ARAP1: variants seen among roughly 807,000 people sequenced by gnomAD.
The protein encoded by ARAP1 is ArfGAP with RhoGAP domain, ankyrin repeat and PH domain 1.
Under a neutral mutation model 172.2 loss-of-function variants are expected in ARAP1, and 76 were observed. The ratio of observed to expected loss-of-function variants is 0.44; its 90% CI spans 0.37 to 0.53. The LOEUF is 0.53. ARAP1 is among the 20% of genes least tolerant of loss of function. The pLI, the probability that ARAP1 is intolerant of heterozygous loss-of-function variation, is 0.00. For synonymous variants in ARAP1, 804 were observed against 803.3 expected (o/e 1.00, Z -0.01); for missense variants, 1,686 against 1,977.5 (o/e 0.85, Z 2.80).
rs1855672355 is a variant in ARAP1 at position 72,686,119 on chromosome 11, C to CACT, written c.4255_4257dup (p.Ser1419dup). 6.2e-7 allele frequency: 1 copy of CACT among 1,613,932 alleles called. No individual in the cohort carries two copies. The highest frequency in any genetic ancestry group is 8.5e-7 in the Non-Finnish European group (1 of 1,180,050). ...CTACCTCGAAGGGGGATCAGTGACA[C>CACT]ACTACCCAGCCGGACCTCAGGCACT... On this transcript the variant is annotated inframe_insertion, in exon 34 of 35. Transcript: ENST00000393609.
intron 1 of ARAP1, among the ~76,000 whole-genome samples, chr11:72,749,890 C>T (rs546708550): frequency 1.3e-5 from 2 of 151,864 alleles, no homozygotes; most frequent in East Asian, 1.9e-4. Context: ...AAAAAAGTTC[C>T]CTCTCCCTCT....
intron 3 of ARAP1, among the ~76,000 whole-genome samples, chr11:72,724,900 C>T (rs1171117535): frequency 6.6e-6 from 1 of 152,150 alleles, no homozygotes; most frequent in Non-Finnish European, 1.5e-5. Flanking sequence ...CCTCATGTTG[C>T]CTAAATGGCT....
Position 72,699,587 on chromosome 11 carries a change from G to GC in ARAP1, c.2303-36dup. The stretch of plus-strand genomic sequence containing the variant: ...ATTTGGGCAGGGGAGCCATCAGGGA[G>GC]CCCCCCACCACCTGAAAACCACCTC... On this transcript the variant is annotated intron_variant, in intron 16 of 34. Coordinates refer to ENST00000393609, the MANE Select transcript of ARAP1 (RefSeq NM_001040118.3). This position sits in a 1 kb window ranked among gnomAD's most constrained non-coding sequence, Gnocchi z 4.2. 6.9e-6 allele frequency: 11 copies of GC among 1,596,846 alleles called. No homozygotes were observed. Among genetic ancestry groups the GC allele is most frequent in the Non-Finnish European group, 9.4e-6 (11 of 1,172,158 alleles).
chr11:72,711,492 T>C lies in ARAP1; in HGVS notation c.1030A>G (p.Ile344Val). The C allele has an allele frequency of 1.2e-6, 2 of 1,612,252 alleles. No homozygotes were observed. Among genetic ancestry groups the C allele is most frequent in the African/African-American group, 1.3e-5 (1 of 74,918 alleles). ...AGTCTCACCCATCGTTTCTGATAGA[T>C]GTAAGATCTGGAGAGGGAGAGGGAC... Reference protein sequence around the residue: ...LDKNPPQGSYIYQKRWVRLDT... With the variant: ...LDKNPPQGSYVYQKRWVRLDT... Residue 344 changes from isoleucine (I) to valine (V), a missense_variant, in exon 8 of 35, where the codon ATC becomes GTC. Physicochemically the swap from Ile to Val is conservative, Grantham distance 29. Transcript: ENST00000393609.
At chr11:72,700,450 G>A (rs1199008022) in intron 16 of ARAP1, 1 of 152,260 alleles carries the variant, frequency 6.6e-6, no homozygotes, top group Non-Finnish European at 1.5e-5. Context: ...GTCTGTGAGG[G>A]CCTGACATGT....
intron 21 of ARAP1, 31 bp downstream of exon 21, chr11:72,697,292 G>T: frequency 6.4e-7 from 1 of 1,574,086 alleles, no homozygotes; most frequent in Non-Finnish European, 8.6e-7. Context: ...TCCGGGAGGG[G>T]CGGGGCTGGC....
In ARAP1 at chr11:72,710,484, C is replaced by T; in HGVS notation, c.1317G>A (p.Glu439=). 6.2e-7 allele frequency: 1 copy of T among 1,614,108 alleles called. No individual in the cohort carries two copies. Among genetic ancestry groups the T allele is most frequent in the Non-Finnish European group, 8.5e-7 (1 of 1,180,004 alleles). Residue 439 remains glutamate (E), a synonymous_variant, in exon 10 of 35, where the codon GAG becomes GAA. Transcript: ENST00000393609. This position sits in a 1 kb window ranked among gnomAD's most constrained non-coding sequence, Gnocchi z 4.3. ...SAYLLGVPGS[E]QPDRAGSLEL... Reference sequence around the variant, plus strand: ...CCAGGCTGCCAGCGCGGTCAGGCTGCTCTGAGCCTGGAACTCCCAGCAGAT... The same window carrying T: ...CCAGGCTGCCAGCGCGGTCAGGCTGTTCTGAGCCTGGAACTCCCAGCAGAT...
chr11:72,688,509 A>G lies in ARAP1; in HGVS notation c.4016T>C (p.Ile1339Thr), dbSNP rs140676330. The G allele has an allele frequency of 6.4e-5, 104 of 1,612,522 alleles. No homozygotes were observed. The highest frequency in any genetic ancestry group is 1.8e-4 in the East Asian group (8 of 44,886). ...TSHRPEKEWP[I>T]KSLKVYLGVK... ...TCCCAGGTAGACTTTGAGACTCTTA[A>G]TAGGCCACTCCTTCTCAGGCCGGTG... Residue 1339 changes from isoleucine (I) to threonine (T), a missense_variant, in exon 31 of 35, where the codon ATT becomes ACT. Around this residue, in one of 5 missense-constraint regions of ARAP1, gnomAD observed 379 missense variants for 500.1 expected, o/e 0.76. Transcript: ENST00000393609.
chr11:72,696,474 G>T, intron 23 of ARAP1, 75 bp downstream of exon 23: 2 of 1,230,074 alleles, frequency 1.6e-6, no homozygotes, highest in Non-Finnish European at 2.2e-6. Context: ...CCCAGAGGAG[G>T]GTAGTCAGCC....
Position 72,712,321 on chromosome 11 carries a change from G to A in ARAP1, c.897C>T (p.Ser299=), listed in dbSNP as rs1857053184. The change falls in exon 7 of 35, where the codon AGC becomes AGT. Residue 299 remains serine (S), a synonymous_variant. Coordinates refer to ENST00000393609, the MANE Select transcript of ARAP1 (RefSeq NM_001040118.3). ...EGVPNGGWHT[S]SLSLSLPSTI... ...TGCTGGGCAAGGACAAGCTCAGGCTGCTGGTATGCCATCCGCCACTAGCGA... is the reference window on the plus strand; with the variant it reads ...TGCTGGGCAAGGACAAGCTCAGGCTACTGGTATGCCATCCGCCACTAGCGA... 6.4e-7 allele frequency: 1 copy of A among 1,559,302 alleles called. No homozygotes were observed. The highest frequency in any genetic ancestry group is 1.8e-5 in the Admixed American group (1 of 55,178).
At position 72,726,605 on chromosome 11, in the gene ARAP1, G is replaced by C; in HGVS notation, c.509+15C>G. On this transcript the variant is annotated intron_variant, in intron 3 of 34. Transcript: ENST00000393609. This position sits in a 1 kb window ranked among gnomAD's most constrained non-coding sequence, Gnocchi z 6.5. ...TCTGCCTGTGCGCCTCCCACCCTGG[G>C]TGGCATCCACTCACCTCACCAGCAG... 3 of 1,485,090 alleles carry C rather than the reference G, an allele frequency of 2.0e-6. No individual in the cohort carries two copies. Among genetic ancestry groups the C allele is most frequent in the Non-Finnish European group, 2.7e-6 (3 of 1,116,286 alleles). The allele number at this position is 1,485,090 out of a possible 1,614,324, so 92.0% of individuals were successfully genotyped here. A position where few individuals can be genotyped will look rare whatever the true frequency, so the allele number is the denominator to read the frequency against.
At chr11:72,749,107 A>G in intron 1 of ARAP1, among the ~76,000 whole-genome samples, 1 of 152,192 alleles carries the variant, frequency 6.6e-6, no homozygotes, top group East Asian at 1.9e-4. Flanking sequence ...TCTGCTCCAG[A>G]GCGGGGACTG....
At chr11:72,698,235 G>A in intron 18 of ARAP1, 129 bp from the exon 19 acceptor site, 1 of 1,154,244 alleles carries the variant, frequency 8.7e-7, no homozygotes, top group Non-Finnish European at 1.2e-6. Context: ...CCCCAAGGCA[G>A]AACCAAGCCC....
chr11:72,688,803 G>A (rs898609554), intron 30 of ARAP1: 1 of 434,482 alleles, frequency 2.3e-6, no homozygotes. Context: ...CGTCCCAACT[G>A]GGACATCTGT....
rs570843567 is a variant in ARAP1, at chr11:72,739,324, C to T, written c.-127-6727G>A. The stretch of plus-strand genomic sequence containing the variant: ...CTCCCTGGCACCAGGAGATTCCTGT[C>T]CTGGCCCATGTGTGGTGTGGCCTGT... On this transcript the variant is annotated intron_variant, in intron 1 of 34. Transcript: ENST00000393609. 2.6e-5 allele frequency among the ~76,000 whole-genome samples: 4 copies of T among 152,314 alleles called. No individual in the cohort carries two copies. The South Asian group carries it at 8.3e-4, about 32-fold the overall frequency.
intron 5 of ARAP1, chr11:72,712,924 G>T (rs116218853): frequency 1.7e-6 from 1 of 598,274 alleles, no homozygotes; most frequent in Non-Finnish European, 3.0e-6. Flanking sequence ...ACACAGGGTG[G>T]GGGGAGGCCA....
In ARAP1 at chr11:72,710,949, CCCT is replaced by C; in HGVS notation, c.1213+69_1213+71del. The C allele has an allele frequency of 6.2e-7, 1 of 1,601,368 alleles. No individual in the cohort carries two copies. The highest frequency in any genetic ancestry group is 2.2e-5 in the East Asian group (1 of 44,680). On this transcript the variant is annotated intron_variant, in intron 9 of 34. Transcript: ENST00000393609. The surrounding 1 kb of genome is among the most constrained non-coding windows in gnomAD (Gnocchi z 4.3). Reference sequence around the variant, plus strand: ...GGCAGATGCACCATGACTCTCTTCCCCCTCCTCTGCCCAAACTTCCAGTCTTCT... The same window carrying C: ...GGCAGATGCACCATGACTCTCTTCCCCCTCTGCCCAAACTTCCAGTCTTCT...
intron 1 of ARAP1, among the ~76,000 whole-genome samples, chr11:72,734,119 C>G (rs1169280139): frequency 6.6e-6 from 1 of 152,074 alleles, no homozygotes; most frequent in African/African-American, 2.4e-5. Flanking sequence ...AGCCACCACA[C>G]CTTGCCTTAT....
chr11:72,750,123 C>T (rs1299416342), intron 1 of ARAP1, among the ~76,000 whole-genome samples: 2 of 152,214 alleles, frequency 1.3e-5, no homozygotes, highest in South Asian at 4.1e-4. Context: ...CCTACTGCAT[C>T]CCCTCCTGAT....
Sources: gnomAD v4.1 joint callset for allele counts (sites outside exome capture counted in the v4.1 genomes callset) on GRCh38, gnomAD v4.1.1 for gene constraint, gnomAD v4.1.1 regional missense constraint, Gnocchi (gnomAD v3.1) non-coding constraint, MANE v1.5 for transcripts, NCBI Gene and HGNC (gene_info 2026-07-23, HGNC 2026-07-21) for gene names.